The following MCF2L2 variants were observed in gnomAD, a reference collection of about 807,000 sequenced individuals.
MCF2L2 encodes probable guanine nucleotide exchange factor MCF2L2.
Under a neutral mutation model 150.2 loss-of-function variants are expected in MCF2L2, and 102 were observed. The ratio of observed to expected loss-of-function variants is 0.68; its 90% CI spans 0.58 to 0.80. The LOEUF is 0.80. MCF2L2 is among the 30% of genes least tolerant of loss of function. The pLI is 0.00. For synonymous variants in MCF2L2, 465 were observed against 491.3 expected (o/e 0.95, Z 0.71); for missense variants, 1,256 against 1,372.8 (o/e 0.91, Z 1.34).
intron 27 of MCF2L2, among the ~76,000 whole-genome samples, chr3:183,183,392 C>T (rs1399055897): frequency 1.3e-5 from 2 of 152,212 alleles, no homozygotes; most frequent in East Asian, 1.9e-4. Context: ...GTCTTAGGCA[C>T]TAAGGAGCTG....
rs1345087523 is a variant in MCF2L2 at position 183,231,150 on chromosome 3, C to G, written c.1863-133G>C. 6 of 730,032 alleles carry G rather than the reference C, an allele frequency of 8.2e-6. No homozygotes were observed. In the African/African-American group the frequency reaches 1.0e-4, roughly 13 times the overall value. The allele number at this position is 730,032 out of a possible 1,614,324, so 45.2% of individuals were successfully genotyped here. A position where few individuals can be genotyped will look rare whatever the true frequency, so the allele number is the denominator to read the frequency against. On this transcript the variant is annotated intron_variant, in intron 15 of 29. Coordinates refer to ENST00000328913, the MANE Select transcript of MCF2L2 (RefSeq NM_015078.4). ...GTGGCTCACCTACTTAGTTTCTGGT[C>G]AGTTCATTCTGTTCTATTGAACACC... is the stretch of plus-strand genomic sequence containing the variant.
intron 6 of MCF2L2, among the ~76,000 whole-genome samples, chr3:183,319,418 C>T (rs1235569855): frequency 1.3e-5 from 2 of 152,198 alleles, no homozygotes; most frequent in African/African-American, 4.8e-5. Flanking sequence ...CTCTCAAACT[C>T]CTGTTAATAC....
At position 183,309,778 on chromosome 3, in the gene MCF2L2, C is replaced by T. The variant is rs1237239931; in HGVS notation, c.1051G>A (p.Asp351Asn). The T allele has an allele frequency of 6.2e-7, 1 of 1,613,998 alleles. No individual in the cohort carries two copies. Among genetic ancestry groups the T allele is most frequent in the South Asian group, 1.1e-5 (1 of 91,084 alleles). Residue 351 changes from aspartate (D) to asparagine (N), a missense_variant, in exon 10 of 30, where the codon GAC becomes AAC. Transcript: ENST00000328913. Reference sequence around the variant, plus strand: ...ATCTGCTCCACGTGCATCACGCTGTCTCCAATGCCTGTAAACTCTGCTTGC... The same window carrying T: ...ATCTGCTCCACGTGCATCACGCTGTTTCCAATGCCTGTAAACTCTGCTTGC... ...EEQAEFTGIG[D>N]SVMHVEQILK...
intron 5 of MCF2L2, among the ~76,000 whole-genome samples, chr3:183,324,253 C>T (rs1442681574): frequency 3.3e-5 from 5 of 152,098 alleles, no homozygotes; most frequent in African/African-American, 1.2e-4. Context: ...CGCTGATGAG[C>T]GAACACTCAC....
At position 183,179,344 on chromosome 3, in the gene MCF2L2, C is replaced by T; in HGVS notation, c.*36G>A. ...ACCGCCTCTCCCGGGAATGCGGGCG[C>T]TCTGGAGCCGAGGAGCGGGGGCGTC... On this transcript the variant is annotated 3_prime_UTR_variant, in exon 30 of 30. Coordinates refer to ENST00000328913, the MANE Select transcript of MCF2L2 (RefSeq NM_015078.4). This position sits in a 1 kb window ranked among gnomAD's most constrained non-coding sequence, Gnocchi z 4.2. 1 of 1,411,048 alleles carries T rather than the reference C, an allele frequency of 7.1e-7. No individual in the cohort carries two copies. Among genetic ancestry groups the T allele is most frequent in the Non-Finnish European group, 9.2e-7 (1 of 1,085,238 alleles). The allele number at this position is 1,411,048 out of a possible 1,614,324, so 87.4% of individuals were successfully genotyped here.
intron 15 of MCF2L2, chr3:183,265,347 C>A (rs547671278): frequency 6.6e-6 from 1 of 152,428 alleles, no homozygotes; most frequent in South Asian, 2.1e-4. Context: ...GCTGCGCATT[C>A]GGCATTGGGC....
Position 183,428,591 on chromosome 3 carries a change from C to G in MCF2L2, c.-614G>C, listed in dbSNP as rs6777092. On this transcript the variant is annotated 5_prime_UTR_variant, in exon 1 of 30. Coordinates refer to ENST00000328913, the MANE Select transcript of MCF2L2 (RefSeq NM_015078.4). The surrounding 1 kb of genome is among the most constrained non-coding windows in gnomAD (Gnocchi z 5.1). ...CCGGAGTGGAGCTCCGGTCCTTACTCGGAACCGTGGGGCGGGGAGACAGTG... is the reference window on the plus strand; with the variant it reads ...CCGGAGTGGAGCTCCGGTCCTTACTGGGAACCGTGGGGCGGGGAGACAGTG... 1.3e-5 allele frequency: 2 copies of G among 152,400 alleles called. No individual in the cohort carries two copies. The highest frequency in any genetic ancestry group is 4.1e-4 in the South Asian group (2 of 4,830). The allele number at this position is 152,400 out of a possible 1,614,324, so 9.4% of individuals were successfully genotyped here. A position where few individuals can be genotyped will look rare whatever the true frequency, so the allele number is the denominator to read the frequency against.
chr3:183,292,704 A>G (rs986301237), intron 13 of MCF2L2, among the ~76,000 whole-genome samples: 3 of 152,226 alleles, frequency 2.0e-5, no homozygotes, highest in Non-Finnish European at 2.9e-5. Flanking sequence ...TGATAAGAAT[A>G]GCACAGAGGA....
intron 14 of MCF2L2, among the ~76,000 whole-genome samples, chr3:183,279,393 A>T (rs981184461): frequency 6.6e-6 from 1 of 152,238 alleles, no homozygotes; most frequent in Non-Finnish European, 1.5e-5. Context: ...TAAAAAATTG[A>T]CCATAGACTA....
chr3:183,295,138 G>A (rs1313210755), intron 13 of MCF2L2, among the ~76,000 whole-genome samples, 162 bp downstream of exon 13: 1 of 152,188 alleles, frequency 6.6e-6, no homozygotes, highest in East Asian at 1.9e-4. Context: ...TGTTATCTAA[G>A]TGTTTATGTC....
intron 25 of MCF2L2, among the ~76,000 whole-genome samples, chr3:183,205,649 G>T (rs1023514702): frequency 6.6e-6 from 1 of 152,070 alleles, no homozygotes; most frequent in Non-Finnish European, 1.5e-5. Flanking sequence ...GTGGTGGGGG[G>T]AACACAACCA....
chr3:183,318,878 T>A (rs1449109929), intron 6 of MCF2L2, among the ~76,000 whole-genome samples: 1 of 152,252 alleles, frequency 6.6e-6, no homozygotes, highest in African/African-American at 2.4e-5. Flanking sequence ...TGGGCCTTCA[T>A]CAAATCACAA....
intron 2 of MCF2L2, among the ~76,000 whole-genome samples, chr3:183,387,624 T>C (rs905794600): frequency 2.0e-5 from 3 of 152,154 alleles, no homozygotes; most frequent in African/African-American, 7.2e-5. Flanking sequence ...TTTTCATACA[T>C]TATGTCATTT....
chr3:183,217,683 T>C (rs983760255), intron 21 of MCF2L2, among the ~76,000 whole-genome samples: 1 of 152,140 alleles, frequency 6.6e-6, no homozygotes, highest in Non-Finnish European at 1.5e-5. Flanking sequence ...AACATCATAT[T>C]TCCACACTGA....
chr3:183,184,559 C>T lies in MCF2L2; in HGVS notation c.3017-4400G>A, dbSNP rs116268333. On this transcript the variant is annotated intron_variant, in intron 27 of 29. Coordinates refer to ENST00000328913, the MANE Select transcript of MCF2L2 (RefSeq NM_015078.4). ...AGTATTCTCTTTTGAAACCCTTAGTCGACAATCTTTCTGGTGCATATCAGA... is the reference window on the plus strand; with the variant it reads ...AGTATTCTCTTTTGAAACCCTTAGTTGACAATCTTTCTGGTGCATATCAGA... Among the ~76,000 whole-genome samples the T allele has an allele frequency of 8.7e-3, 1,324 of 152,210 alleles. 22 individuals are homozygous for T. Among genetic ancestry groups the T allele is most frequent in the African/African-American group, 0.029 (1,194 of 41,526 alleles).
chr3:183,336,481 A>G (rs1730485855), intron 5 of MCF2L2, among the ~76,000 whole-genome samples: 1 of 152,138 alleles, frequency 6.6e-6, no homozygotes, highest in Non-Finnish European at 1.5e-5. Context: ...ATGGACTAAA[A>G]TGCTTAAATT....
Position 183,215,965 on chromosome 3 carries a change from A to G in MCF2L2, c.2496+4T>C. On this transcript the variant is annotated splice_donor_region_variant and intron_variant, in intron 22 of 29. Transcript: ENST00000328913. ...AGATGCTCTAACACTACTATGGAAC[A>G]TACCGGACATTCAGTCACTGCTGCT... 1 of 1,613,200 alleles carries G rather than the reference A, an allele frequency of 6.2e-7. No individual in the cohort carries two copies. Among genetic ancestry groups the G allele is most frequent in the Non-Finnish European group, 8.5e-7 (1 of 1,179,526 alleles).
At chr3:183,211,401 G>A (rs1198065784) in intron 22 of MCF2L2, among the ~76,000 whole-genome samples, 2 of 152,102 alleles carry the variant, frequency 1.3e-5, no homozygotes, top group Admixed American at 1.3e-4. Context: ...AGAAACATAT[G>A]GGCACATATC....
At chr3:183,289,493 T>C (rs899602916) in intron 13 of MCF2L2, among the ~76,000 whole-genome samples, 31 of 152,138 alleles carry the variant, frequency 2.0e-4, no homozygotes, top group African/African-American at 7.5e-4. Flanking sequence ...CTACAACAAA[T>C]CTGTACATAT....
Sources: allele counts gnomAD v4.1 joint callset (sites outside exome capture counted in the v4.1 genomes callset), GRCh38; gene constraint gnomAD v4.1.1; non-coding constraint Gnocchi (gnomAD v3.1); transcripts MANE v1.5; gene names NCBI Gene and HGNC (gene_info 2026-07-23, HGNC 2026-07-21).